Variants in WWOX observed in about 807,000 individuals in gnomAD.
WWOX encodes WW domain containing oxidoreductase.
WWOX carries 69 observed loss-of-function variants against 46.2 expected under a neutral mutation model. The observed-to-expected ratio is 1.49, with a 90% CI of 1.23 to 1.82. WWOX has a LOEUF of 1.82. Among genes scored for constraint, WWOX ranks in the 40% most tolerant of loss-of-function variants. The pLI, the probability that WWOX is intolerant of heterozygous loss-of-function variation, is 0.00. For synonymous variants in WWOX, 359 were observed against 202.6 expected, an observed-to-expected ratio of 1.77 and a Z score of -6.56; for missense variants, 919 against 542.6, an observed-to-expected ratio of 1.69 and a Z score of -6.89.
At chr16:78,845,506 T>C (rs1043188609) in intron 8 of WWOX, among the ~76,000 whole-genome samples, 4 of 152,230 alleles carry the variant, frequency 2.6e-5, no homozygotes, top group Non-Finnish European at 5.9e-5. Flanking sequence ...CTTAGCATAA[T>C]ATTTTATAAA....
intron 8 of WWOX, among the ~76,000 whole-genome samples, chr16:78,859,027 AAT>A (rs1555551611): frequency 1.3e-4 from 3 of 23,702 alleles, no homozygotes; most frequent in African/African-American, 1.8e-4. Context: ...AAAAAAAAAA[AAT>A]ATATATATAT....
chr16:79,180,850 C>G (rs990232065), intron 8 of WWOX, among the ~76,000 whole-genome samples: 1 of 152,108 alleles, frequency 6.6e-6, no homozygotes, highest in African/African-American at 2.4e-5. Flanking sequence ...ATGCAAGAAA[C>G]CTTGACAAAA....
intron 5 of WWOX, among the ~76,000 whole-genome samples, chr16:78,188,615 G>T (rs1477688363): frequency 6.6e-6 from 1 of 152,002 alleles, no homozygotes; most frequent in Non-Finnish European, 1.5e-5. Flanking sequence ...TCATTTAGAA[G>T]TTTCGAGACG....
At chr16:79,069,594 G>A (rs138300929) in intron 8 of WWOX, among the ~76,000 whole-genome samples, 2 of 150,824 alleles carry the variant, frequency 1.3e-5, no homozygotes, top group African/African-American at 4.9e-5. Flanking sequence ...AACAGTGCTA[G>A]TGGAAAGTAT....
At chr16:78,558,136 C>G (rs993481969) in intron 8 of WWOX, among the ~76,000 whole-genome samples, 2 of 152,158 alleles carry the variant, frequency 1.3e-5, no homozygotes, top group Non-Finnish European at 2.9e-5. Context: ...TTTGCTTTCA[C>G]TCCTGGGCAG....
intron 8 of WWOX, among the ~76,000 whole-genome samples, chr16:78,977,499 T>C (rs2046595993): frequency 6.6e-6 from 1 of 152,122 alleles, no homozygotes; most frequent in Non-Finnish European, 1.5e-5. Context: ...ATTTTCCCTA[T>C]TAGAATCCCA....
chr16:78,354,233 C>A (rs4563049), intron 5 of WWOX, among the ~76,000 whole-genome samples: 4 of 150,216 alleles, frequency 2.7e-5, no homozygotes, highest in South Asian at 2.1e-4. Flanking sequence ...CCAGCACCCC[C>A]CCACCCCTGC....
chr16:79,062,470 G>A (rs1004005625), intron 8 of WWOX, among the ~76,000 whole-genome samples: 3 of 152,090 alleles, frequency 2.0e-5, no homozygotes, highest in Non-Finnish European at 4.4e-5. Context: ...GGTGCCGTGC[G>A]GTGTAAATCA....
intron 8 of WWOX, among the ~76,000 whole-genome samples, chr16:78,563,459 T>C (rs915173949): frequency 6.7e-6 from 1 of 150,086 alleles, no homozygotes; most frequent in Non-Finnish European, 1.5e-5. Flanking sequence ...AAAGATAGTA[T>C]GTGTTCAGGA....
At chr16:78,753,990 GAT>G (rs1475433523) in intron 8 of WWOX, among the ~76,000 whole-genome samples, 7 of 150,508 alleles carry the variant, frequency 4.7e-5, no homozygotes, top group Admixed American at 4.6e-4. Flanking sequence ...CAAGAAAAGA[GAT>G]ATGCCAAAGA....
intron 8 of WWOX, among the ~76,000 whole-genome samples, chr16:79,195,021 C>G (rs1278439354): frequency 2.0e-5 from 3 of 152,116 alleles, no homozygotes; most frequent in Non-Finnish European, 2.9e-5. Flanking sequence ...GGATTATATG[C>G]CTGTTCCATA....
chr16:78,629,418 C>G (rs942116696), intron 8 of WWOX, among the ~76,000 whole-genome samples: 1 of 152,168 alleles, frequency 6.6e-6, no homozygotes, highest in African/African-American at 2.4e-5. Context: ...CCCCTCTTGA[C>G]TCTCTTGAAA....
intron 8 of WWOX, among the ~76,000 whole-genome samples, chr16:78,482,819 G>A (rs983602314): frequency 1.9e-4 from 29 of 152,182 alleles, no homozygotes; most frequent in African/African-American, 6.3e-4. Flanking sequence ...TTCTTGGGAA[G>A]GATCTATCTC....
At chr16:78,975,227 C>G (rs1161063050) in intron 8 of WWOX, among the ~76,000 whole-genome samples, 1 of 152,168 alleles carries the variant, frequency 6.6e-6, no homozygotes, top group African/African-American at 2.4e-5. Context: ...CAAGGGTTCT[C>G]AGATGGGACC....
chr16:78,584,741 G>C (rs2045151850), intron 8 of WWOX, among the ~76,000 whole-genome samples: 1 of 152,218 alleles, frequency 6.6e-6, no homozygotes. Flanking sequence ...TGATCTTAAA[G>C]GGGCAGGAAG....
chr16:78,443,398 A>G (rs1360997186), intron 8 of WWOX, among the ~76,000 whole-genome samples: 3 of 152,190 alleles, frequency 2.0e-5, no homozygotes, highest in Admixed American at 6.5e-5. Flanking sequence ...GCAGGCTTCC[A>G]CAGTGCAGAT....
intron 8 of WWOX, among the ~76,000 whole-genome samples, chr16:78,819,123 T>G (rs1026782007): frequency 2.0e-5 from 3 of 152,194 alleles, no homozygotes; most frequent in Non-Finnish European, 4.4e-5. Context: ...TCTTCTGCAC[T>G]CTTTCTCAGT....
At chr16:79,093,735 A>T (rs567397296) in intron 8 of WWOX, among the ~76,000 whole-genome samples, 1 of 152,106 alleles carries the variant, frequency 6.6e-6, no homozygotes, top group East Asian at 1.9e-4. Flanking sequence ...GGATAATCAG[A>T]TATTAGTTAA....
At chr16:78,129,859 C>T (rs2033518798) in intron 4 of WWOX, among the ~76,000 whole-genome samples, 1 of 152,090 alleles carries the variant, frequency 6.6e-6, no homozygotes, top group South Asian at 2.1e-4. Context: ...AAACCCTAAT[C>T]TTAAGGTCAT....
Sources: gnomAD v4.1 joint callset for allele counts (sites outside exome capture counted in the v4.1 genomes callset) on GRCh38, gnomAD v4.1.1 for gene constraint, MANE v1.5 for transcripts, NCBI Gene and HGNC (gene_info 2026-07-23, HGNC 2026-07-21) for gene names.